The following PER2 variants were observed in gnomAD, a reference collection of about 807,000 sequenced individuals.
The protein encoded by PER2 is period circadian protein homolog 2.
PER2 carries 66 observed loss-of-function variants against 121.0 expected under a neutral mutation model. That is an observed-to-expected ratio of 0.55 (90% confidence interval 0.45 to 0.67). The LOEUF is 0.67. PER2 is among the 30% of genes least tolerant of loss of function. The pLI is 0.00. For synonymous variants in PER2, 684 were observed against 659.9 expected, an observed-to-expected ratio of 1.04 and a Z score of -0.56; for missense variants, 1,521 against 1,635.0, an observed-to-expected ratio of 0.93 and a Z score of 1.20.
upstream of PER2, chr2:238,289,838 T>C (rs1696916141): frequency 6.6e-6 from 1 of 152,178 alleles, no homozygotes; most frequent in Non-Finnish European, 1.5e-5. Flanking sequence ...TAAACTTCCA[T>C]TTAAAGTGTC....
rs377183778 is a variant in PER2 at position 238,245,492 on chromosome 2, TG to T, written c.*882del. 213 of 398,322 alleles carry T rather than the reference TG, an allele frequency of 5.3e-4. 7 individuals carry two copies. The South Asian group carries it at 0.025, about 48-fold the overall frequency. The allele number at this position is 398,322 out of a possible 1,614,324, so 24.7% of individuals were successfully genotyped here. ...GGCTGGGTGGAAGCAGATGTCTGGG[TG>T]GTTCCAACGGAAGAAAACCAAACAG... On this transcript the variant is annotated 3_prime_UTR_variant, in exon 23 of 23. Coordinates refer to ENST00000254657, the MANE Select transcript of PER2 (RefSeq NM_022817.3).
In PER2 at chr2:238,271,351, G is replaced by GGGAGGTGAAA. The variant is rs749210489; in HGVS notation, c.723_732dup (p.Pro245PhefsTer42). ...ATGCTCCACAAGGGAAGCTTGTACG[G>GGGAGGTGAAA]GGAGGTGAAACTGTGGAACACGCCC... On this transcript the variant is annotated frameshift_variant, in exon 6 of 23. Coordinates refer to ENST00000254657, the MANE Select transcript of PER2 (RefSeq NM_022817.3). LOFTEE classifies it high-confidence loss of function. 1 of 1,614,186 alleles carries GGGAGGTGAAA rather than the reference G, an allele frequency of 6.2e-7. No homozygotes were observed. The highest frequency in any genetic ancestry group is 1.1e-5 in the South Asian group (1 of 91,084).
At position 238,260,932 on chromosome 2, in the gene PER2, T is replaced by A; in HGVS notation, c.1438A>T (p.Ser480Cys). Reference protein sequence around the residue: ...LLQPVPHSGSSGYGSLGSNGS... With the variant: ...LLQPVPHSGSCGYGSLGSNGS... ...TTGCTGCCCAGACTCCCGTAGCCACTGGAGCCGCTGTGGGGGACGGGCTGG... is the reference window on the plus strand; with the variant it reads ...TTGCTGCCCAGACTCCCGTAGCCACAGGAGCCGCTGTGGGGGACGGGCTGG... The change falls in exon 13 of 23, where the codon AGT becomes TGT. Residue 480 changes from serine (S) to cysteine (C), a missense_variant. Physicochemically the swap from Ser to Cys is moderately radical, Grantham distance 112. Coordinates refer to ENST00000254657, the MANE Select transcript of PER2 (RefSeq NM_022817.3). 1 of 1,613,356 alleles carries A rather than the reference T, an allele frequency of 6.2e-7. No homozygotes were observed. The highest frequency in any genetic ancestry group is 1.7e-4 in the Middle Eastern group (1 of 6,058).
chr2:238,260,095 ACCT>A lies in PER2; in HGVS notation c.1543-45_1543-43del, dbSNP rs780999561. Reference sequence around the variant, plus strand: ...ATGAACACATTATTCATTCTAGGAGACCTCCTTCAGTCTGTCCGGCAAAGTGAG... The same window carrying A: ...ATGAACACATTATTCATTCTAGGAGACCTTCAGTCTGTCCGGCAAAGTGAG... On this transcript the variant is annotated intron_variant, in intron 13 of 22. Coordinates refer to ENST00000254657, the MANE Select transcript of PER2 (RefSeq NM_022817.3). The A allele has an allele frequency of 2.2e-5, 19 of 859,464 alleles. No homozygotes were observed. The African/African-American group carries it at 2.9e-4, about 13-fold the overall frequency. 53.2% of individuals were successfully genotyped at this position (859,464 alleles called of 1,614,324 possible).
chr2:238,258,495 A>G lies in PER2; in HGVS notation c.1775+2T>C. On this transcript the variant is annotated splice_donor_variant, in intron 15 of 22. Transcript: ENST00000254657. LOFTEE classifies it high-confidence loss of function. ...GAGACTCGGCTGGAAATGCCGGCAT[A>G]CCTGATGACGCTGTCCAAGCAGCTG... The G allele has an allele frequency of 6.2e-7, 1 of 1,614,026 alleles. No individual in the cohort carries two copies. Among genetic ancestry groups the G allele is most frequent in the South Asian group, 1.1e-5 (1 of 91,074 alleles).
Position 238,249,104 on chromosome 2 carries a change from C to A in PER2, c.3576G>T (p.Gln1192His), listed in dbSNP as rs1192778742. 1 of 1,614,242 alleles carries A rather than the reference C, an allele frequency of 6.2e-7. No homozygotes were observed. Among genetic ancestry groups the A allele is most frequent in the South Asian group, 1.1e-5 (1 of 91,092 alleles). ...CGGGCAGGCCGCCCGTCTGCATCCA[C>A]TGGTGGACCTCGCGCAGCTCCTGCT... ...SQKQELREVH[Q>H]WMQTGGLPAA... is the part of the protein sequence containing the mutation. Residue 1192 changes from glutamine to histidine, a missense_variant, in exon 22 of 23, where the codon CAG becomes CAT. Coordinates refer to ENST00000254657, the MANE Select transcript of PER2 (RefSeq NM_022817.3).
At chr2:238,263,812 G>A (rs544117499) in intron 9 of PER2, among the ~76,000 whole-genome samples, 324 of 152,274 alleles carry the variant, frequency 2.1e-3, no homozygotes, top group African/African-American at 7.6e-3. Flanking sequence ...AGGGCCTGGC[G>A]TTATTCTTTG....
At chr2:238,269,019 A>C in intron 6 of PER2, 45 bp from the exon 7 acceptor site, 2 of 1,362,608 alleles carry the variant, frequency 1.5e-6, no homozygotes, top group Non-Finnish European at 2.1e-6. Flanking sequence ...CAACAACTAA[A>C]TACAGTGTTC....
intron 6 of PER2, among the ~76,000 whole-genome samples, chr2:238,270,036 C>T (rs866139460): frequency 3.9e-5 from 6 of 152,216 alleles, no homozygotes; most frequent in South Asian, 2.1e-4. Flanking sequence ...CTTGTCTCAT[C>T]GCCACCCACA....
At chr2:238,273,286 A>C in intron 4 of PER2, 95 bp from the exon 5 acceptor site, 148 of 1,306,026 alleles carry the variant, frequency 1.1e-4, no homozygotes, top group Non-Finnish European at 1.5e-4. Flanking sequence ...TACTTTTCTC[A>C]AATGAAAAGG....
chr2:238,254,596 C>T (rs952387234), intron 18 of PER2, among the ~76,000 whole-genome samples: 3 of 152,188 alleles, frequency 2.0e-5, no homozygotes, highest in Admixed American at 1.3e-4. Flanking sequence ...GCACTGGGCT[C>T]CTGGGATGTC....
At position 238,284,662 on chromosome 2, in the gene PER2, C is replaced by T. The variant is rs1574862747; in HGVS notation, c.-20+3687G>A. Among the ~76,000 whole-genome samples the T allele has an allele frequency of 2.0e-5, 3 of 152,160 alleles. 1 individual carries two copies. Among genetic ancestry groups the T allele is most frequent in the South Asian group, 4.1e-4 (2 of 4,830 alleles). ...CTGTCTGGGCCCCGGGTGCTTTGCA[C>T]GTAGCTCTCCTGGTTTTCACCCCTA... On this transcript the variant is annotated intron_variant, in intron 1 of 22. Transcript: ENST00000254657.
intron 4 of PER2, among the ~76,000 whole-genome samples, chr2:238,274,195 G>A (rs932021625): frequency 3.9e-5 from 6 of 152,360 alleles, no homozygotes; most frequent in African/African-American, 1.2e-4. Flanking sequence ...GGGTGTATCC[G>A]GCGGGCTCTG....
chr2:238,277,901 A>G lies in PER2; in HGVS notation c.36T>C (p.Ser12=), dbSNP rs1456131366. The change falls in exon 2 of 23, where the codon AGT becomes AGC. Residue 12 remains serine, a synonymous_variant. Transcript: ENST00000254657. ...NGYAEFPPSP[S]NPTKEPVEPQ... is the part of the protein sequence containing the mutation. ...GCTCCACGGGCTCCTTGGTGGGGTTACTGGGGCTGGGCGGAAATTCCGCGT... is the reference window on the plus strand; with the variant it reads ...GCTCCACGGGCTCCTTGGTGGGGTTGCTGGGGCTGGGCGGAAATTCCGCGT... The G allele has an allele frequency of 2.5e-6, 4 of 1,613,994 alleles. No individual in the cohort carries two copies. The African/African-American group carries it at 5.3e-5, about 22-fold the overall frequency.
chr2:238,252,895 C>T lies in PER2; in HGVS notation c.3111+17G>A, dbSNP rs1301901063. 10 of 1,609,882 alleles carry T rather than the reference C, an allele frequency of 6.2e-6. No individual in the cohort carries two copies. The highest frequency in any genetic ancestry group is 4.0e-5 in the African/African-American group (3 of 74,846). On this transcript the variant is annotated intron_variant, in intron 19 of 22. Coordinates refer to ENST00000254657, the MANE Select transcript of PER2 (RefSeq NM_022817.3). This position sits in a 1 kb window ranked among gnomAD's most constrained non-coding sequence, Gnocchi z 4.2. The stretch of plus-strand genomic sequence containing the variant: ...TTTGCTGCCTGCTTTGGGGAAAGAG[C>T]ATCAGAAAATCCTTACGGTCAGAGG...
rs1352374076 is a variant in PER2, at chr2:238,268,116, C to A, written c.907G>T (p.Gly303Cys). 2 of 1,614,158 alleles carry A rather than the reference C, an allele frequency of 1.2e-6. No homozygotes were observed. Among genetic ancestry groups the A allele is most frequent in the Non-Finnish European group, 1.7e-6 (2 of 1,180,018 alleles). The change falls in exon 8 of 23, where the codon GGT (glycine) becomes TGT (cysteine). Residue 303 changes from glycine to cysteine, a missense_variant. By Grantham distance (159) the Gly-to-Cys change is radical. Coordinates refer to ENST00000254657, the MANE Select transcript of PER2 (RefSeq NM_022817.3). This position sits in a 1 kb window ranked among gnomAD's most constrained non-coding sequence, Gnocchi z 4.0. Reference sequence around the variant, plus strand: ...AGGCAGCAAAGCTGACTCTCAGCACCTTGTTGGTCCCGCACCTTGACCAGG... The same window carrying A: ...AGGCAGCAAAGCTGACTCTCAGCACATTGTTGGTCCCGCACCTTGACCAGG... Reference protein sequence around the residue: ...PYLVKVRDQQGAESQLCCLLL... With the variant: ...PYLVKVRDQQCAESQLCCLLL...
rs1696484457 is a variant in PER2 at position 238,277,272 on chromosome 2, A to G, written c.231-79T>C. ...ATCTTCCCCTGCCATCCTACCAGTG[A>G]TAACAGGCTAGATAATACCATGGTA... On this transcript the variant is annotated intron_variant, in intron 2 of 22. Transcript: ENST00000254657. 4 of 942,424 alleles carry G rather than the reference A, an allele frequency of 4.2e-6. No homozygotes were observed. The South Asian group carries it at 5.2e-5, about 12-fold the overall frequency. 58.4% of individuals were successfully genotyped at this position (942,424 alleles called of 1,614,324 possible). A position where few individuals can be genotyped will look rare whatever the true frequency, so the allele number is the denominator to read the frequency against.
chr2:238,260,909 G>T lies in PER2; in HGVS notation c.1461C>A (p.Ser487Arg), dbSNP rs767813356. ...SGSSGYGSLG[S>R]NGSHEHLMSQ... ...TCATAAGGTGCTCGTGGGACCCGTT[G>T]CTGCCCAGACTCCCGTAGCCACTGG... Residue 487 changes from serine (S) to arginine (R), a missense_variant, in exon 13 of 23, where the codon AGC becomes AGA. Coordinates refer to ENST00000254657, the MANE Select transcript of PER2 (RefSeq NM_022817.3). 2 of 1,613,556 alleles carry T rather than the reference G, an allele frequency of 1.2e-6. No homozygotes were observed. The highest frequency in any genetic ancestry group is 2.2e-5 in the South Asian group (2 of 91,090).
At chr2:238,272,679 G>A (rs189134675) in intron 5 of PER2, among the ~76,000 whole-genome samples, 5 of 152,300 alleles carry the variant, frequency 3.3e-5, no homozygotes, top group Non-Finnish European at 7.4e-5. Flanking sequence ...AAGAATGCAC[G>A]GGCTTTGGAG....
Sources: gnomAD v4.1 joint callset for allele counts (sites outside exome capture counted in the v4.1 genomes callset) on GRCh38, gnomAD v4.1.1 for gene constraint, Gnocchi (gnomAD v3.1) non-coding constraint, MANE v1.5 for transcripts, NCBI Gene and HGNC (gene_info 2026-07-23, HGNC 2026-07-21) for gene names.